KATNA1: variants seen among roughly 807,000 people sequenced by gnomAD.
KATNA1 encodes the protein katanin catalytic subunit A1.
In KATNA1, 42 loss-of-function variants were observed where a neutral mutation model predicts 62.6. The ratio of observed to expected loss-of-function variants is 0.67; its 90% CI spans 0.52 to 0.87. The LOEUF is 0.87. KATNA1 is among the 40% of genes least tolerant of loss of function. The pLI, the probability that KATNA1 is intolerant of heterozygous loss-of-function variation, is 0.00. For synonymous variants in KATNA1, 186 were observed against 201.9 expected, an observed-to-expected ratio of 0.92 and a Z score of 0.67; for missense variants, 498 against 612.5, an observed-to-expected ratio of 0.81 and a Z score of 1.97.
intron 3 of KATNA1, among the ~76,000 whole-genome samples, chr6:149,626,796 C>T (rs1779627963): frequency 6.7e-6 from 1 of 149,158 alleles, no homozygotes; most frequent in Non-Finnish European, 1.5e-5. Flanking sequence ...ACAGCCTGGC[C>T]AACATGGTAA....
At chr6:149,605,308 T>C (rs1778696751) in intron 4 of KATNA1, among the ~76,000 whole-genome samples, 1 of 152,124 alleles carries the variant, frequency 6.6e-6, no homozygotes, top group Admixed American at 6.6e-5. Context: ...GCAAATGAAC[T>C]GGCTAGCATA....
At chr6:149,596,865 C>T (rs947246538) in intron 10 of KATNA1, among the ~76,000 whole-genome samples, 198 bp downstream of exon 10, 1 of 152,200 alleles carries the variant, frequency 6.6e-6, no homozygotes, top group South Asian at 2.1e-4. Flanking sequence ...AGATATTGAT[C>T]TGTCTTAATT....
intron 4 of KATNA1, among the ~76,000 whole-genome samples, chr6:149,612,552 T>C (rs764668340): frequency 2.6e-5 from 4 of 152,058 alleles, no homozygotes; most frequent in Non-Finnish European, 5.9e-5. Context: ...CTACACAAAC[T>C]CTTCCAGAGC....
chr6:149,599,477 G>GGACA (rs1304790637), intron 7 of KATNA1, among the ~76,000 whole-genome samples: 1 of 152,104 alleles, frequency 6.6e-6, no homozygotes, highest in African/African-American at 2.4e-5. Flanking sequence ...GTACGGTAGA[G>GGACA]GACACCAATT....
At chr6:149,597,305 A>C in intron 9 of KATNA1, 116 bp from the exon 10 acceptor site, 1 of 1,286,938 alleles carries the variant, frequency 7.8e-7, no homozygotes, top group Non-Finnish European at 1.1e-6. Flanking sequence ...ATCTCTAAGA[A>C]GAGATAATTA....
At chr6:149,605,986 C>T (rs1283806028) in intron 4 of KATNA1, among the ~76,000 whole-genome samples, 2 of 152,102 alleles carry the variant, frequency 1.3e-5, no homozygotes, top group Admixed American at 1.3e-4. Flanking sequence ...TCTTGAACTG[C>T]TGACCTCAAG....
chr6:149,601,761 A>T lies in KATNA1; in HGVS notation c.730-9T>A. 1 of 1,573,496 alleles carries T rather than the reference A, an allele frequency of 6.4e-7. No homozygotes were observed. Among genetic ancestry groups the T allele is most frequent in the African/African-American group, 1.4e-5 (1 of 73,622 alleles). On this transcript the variant is annotated splice_polypyrimidine_tract_variant and intron_variant, in intron 6 of 10. Transcript: ENST00000367411. ...CCGACCATCAGTACTCCCTGTTGCGAATATAATAGCCTCAGCAGAGGATTT... is the reference window on the plus strand; with the variant it reads ...CCGACCATCAGTACTCCCTGTTGCGTATATAATAGCCTCAGCAGAGGATTT...
chr6:149,647,356 T>A (rs947629684), intron 1 of KATNA1, among the ~76,000 whole-genome samples: 2 of 151,652 alleles, frequency 1.3e-5, no homozygotes, highest in Non-Finnish European at 2.9e-5. Flanking sequence ...ACCCCATCTC[T>A]ACTAAAATAC....
rs116242433 is a variant in KATNA1 at position 149,596,734 on chromosome 6, A to T, written c.1277+329T>A. Among the ~76,000 whole-genome samples the T allele has an allele frequency of 7.6e-3, 1,154 of 152,032 alleles. 14 individuals are homozygous for T. The highest frequency in any genetic ancestry group is 0.027 in the African/African-American group (1,102 of 41,468). On this transcript the variant is annotated intron_variant, in intron 10 of 10. Coordinates refer to ENST00000367411, the MANE Select transcript of KATNA1 (RefSeq NM_007044.4). ...GAACCACCATGCCCGGCTAATTTTT[A>T]AAATTTTTTTCATGGATATGAGGTC...
chr6:149,638,726 CA>C, intron 1 of KATNA1, 166 bp from the exon 2 acceptor site: 1 of 175,280 alleles, frequency 5.7e-6, no homozygotes, highest in Non-Finnish European at 1.0e-5. Context: ...TTAAAAAAAA[CA>C]TTGTTTTTTT....
intron 3 of KATNA1, among the ~76,000 whole-genome samples, chr6:149,626,440 G>A (rs1582791660): frequency 6.8e-6 from 1 of 147,228 alleles, no homozygotes; most frequent in Non-Finnish European, 1.5e-5. Flanking sequence ...GACTACAGGC[G>A]CCCGCCACTG....
chr6:149,618,248 C>A (rs368128781), intron 4 of KATNA1, among the ~76,000 whole-genome samples: 1 of 151,108 alleles, frequency 6.6e-6, no homozygotes, highest in Non-Finnish European at 1.5e-5. Flanking sequence ...GAGGTTGAGA[C>A]GGGCGGATCA....
At chr6:149,648,788 G>C (rs1326664457), upstream of KATNA1, 1 of 152,370 alleles carries the variant, frequency 6.6e-6, no homozygotes, top group Non-Finnish European at 1.5e-5. Context: ...GCCGGGCCCG[G>C]GGCCGCGCGT....
intron 10 of KATNA1, among the ~76,000 whole-genome samples, chr6:149,596,840 C>T (rs1410132445): frequency 6.6e-6 from 1 of 151,914 alleles, no homozygotes; most frequent in Admixed American, 6.6e-5. Flanking sequence ...AGATTACAGG[C>T]GTGAGCCACC....
At chr6:149,608,496 C>A (rs528362084) in intron 4 of KATNA1, among the ~76,000 whole-genome samples, 1 of 152,270 alleles carries the variant, frequency 6.6e-6, no homozygotes, top group East Asian at 1.9e-4. Flanking sequence ...ACACTCTACT[C>A]CAGTCAAGCA....
chr6:149,597,250 C>T, intron 9 of KATNA1, 61 bp from the exon 10 acceptor site: 5 of 1,525,436 alleles, frequency 3.3e-6, no homozygotes, highest in Non-Finnish European at 4.4e-6. Context: ...ATACTATTGT[C>T]TCAAATCTTC....
At chr6:149,631,769 T>C (rs2114605125) in intron 3 of KATNA1, among the ~76,000 whole-genome samples, 1 of 152,300 alleles carries the variant, frequency 6.6e-6, no homozygotes, top group South Asian at 2.1e-4. Context: ...GTGAAATAGA[T>C]AACATCCACC....
At chr6:149,645,939 C>G (rs1253275229) in intron 1 of KATNA1, among the ~76,000 whole-genome samples, 1 of 151,726 alleles carries the variant, frequency 6.6e-6, no homozygotes, top group Non-Finnish European at 1.5e-5. Context: ...AAAGAACAGG[C>G]AAAATATTGA....
intron 4 of KATNA1, among the ~76,000 whole-genome samples, chr6:149,619,549 G>A (rs1001217663): frequency 1.3e-5 from 2 of 151,864 alleles, no homozygotes; most frequent in African/African-American, 4.8e-5. Flanking sequence ...AGAGGCGGAG[G>A]TTGTAGTTAG....
Sources: allele counts gnomAD v4.1 joint callset (sites outside exome capture counted in the v4.1 genomes callset), GRCh38; gene constraint gnomAD v4.1.1; transcripts MANE v1.5; gene names NCBI Gene and HGNC (gene_info 2026-07-23, HGNC 2026-07-21).